Variants in RARB observed in about 807,000 individuals in gnomAD.
RARB encodes retinoic acid receptor beta.
A neutral mutation model predicts 51.9 loss-of-function variants in RARB; 17 were observed. That is an observed-to-expected ratio of 0.33 (90% CI 0.22 to 0.49). The LOEUF (loss-of-function observed/expected upper bound fraction) is 0.49, where lower values mean the gene tolerates loss of function less well. Among genes scored for constraint, RARB ranks in the 20% least tolerant of loss-of-function variants. RARB has a pLI of 0.99. For missense variants in RARB, 369 were observed against 550.8 expected (o/e 0.67, Z 3.30); for synonymous variants, 215 against 195.4 (o/e 1.10, Z -0.84).
At chr3:24,831,775 C>T (rs1304293576) in intron 1 of RARB, among the ~76,000 whole-genome samples, 1 of 151,918 alleles carries the variant, frequency 6.6e-6, no homozygotes, top group African/African-American at 2.4e-5. Context: ...TTTAACTTGG[C>T]TCAGGTAGCT....
At position 25,367,959 on chromosome 3, in the gene RARB, G is replaced by T. The variant is rs73820431; in HGVS notation, c.179-93234G>T. ...CTGTTTCATGCACTGGGGCGGACAG[G>T]CAATTAAGTTTTCGGTGCTCCTCTG... is the stretch of plus-strand genomic sequence containing the variant. On this transcript the variant is annotated intron_variant, in intron 5 of 11. Transcript: ENST00000383772. 5.4e-3 allele frequency among the ~76,000 whole-genome samples: 826 copies of T among 152,226 alleles called. 11 individuals carry two copies. Among genetic ancestry groups the T allele is most frequent in the African/African-American group, 0.019 (778 of 41,528 alleles).
In RARB at chr3:25,161,077, A is replaced by T. The variant is rs184527084; in HGVS notation, c.-279-13042A>T. Among the ~76,000 whole-genome samples, 579 of 152,068 alleles carry T rather than the reference A, an allele frequency of 3.8e-3. 7 individuals are homozygous for T. The highest frequency in any genetic ancestry group is 0.013 in the African/African-American group (558 of 41,474). Reference sequence around the variant, plus strand: ...GCCCAGGCTAGAGTGCAGTGGCCCAATCTCGGCTCACTACAACCTCTGTTT... The same window carrying T: ...GCCCAGGCTAGAGTGCAGTGGCCCATTCTCGGCTCACTACAACCTCTGTTT... On this transcript the variant is annotated intron_variant, in intron 4 of 11. Transcript: ENST00000383772.
intron 5 of RARB, among the ~76,000 whole-genome samples, chr3:25,396,891 A>G (rs1707130531): frequency 6.6e-6 from 1 of 152,130 alleles, no homozygotes; most frequent in South Asian, 2.1e-4. Context: ...GTGCCCCACC[A>G]ACAGCACCCA....
At chr3:25,127,732 C>A (rs1295857080) in intron 3 of RARB, among the ~76,000 whole-genome samples, 1 of 151,938 alleles carries the variant, frequency 6.6e-6, no homozygotes, top group East Asian at 1.9e-4. Flanking sequence ...TCAAAATGTG[C>A]CCCGTGTTTC....
chr3:24,923,020 C>T (rs1454110625), intron 2 of RARB, among the ~76,000 whole-genome samples: 4 of 152,146 alleles, frequency 2.6e-5, no homozygotes, highest in Non-Finnish European at 5.9e-5. Flanking sequence ...TTGTATCCCA[C>T]CAACTTCCAA....
intron 5 of RARB, among the ~76,000 whole-genome samples, chr3:25,358,326 A>C (rs899294311): frequency 6.6e-6 from 1 of 152,126 alleles, no homozygotes; most frequent in Non-Finnish European, 1.5e-5. Context: ...TTGCACATTG[A>C]ATTTGTATCC....
intron 1 of RARB, among the ~76,000 whole-genome samples, chr3:24,830,143 C>A (rs1275435239): frequency 5.9e-5 from 9 of 152,072 alleles, no homozygotes. Flanking sequence ...GACTGTCAGC[C>A]GCGAAGGGGT....
At chr3:24,934,191 G>A (rs907371606) in intron 2 of RARB, among the ~76,000 whole-genome samples, 1 of 152,142 alleles carries the variant, frequency 6.6e-6, no homozygotes, top group East Asian at 1.9e-4. Context: ...AGCCAGAGGA[G>A]GGAACCGGCA....
At chr3:25,353,545 C>T (rs769461390) in intron 5 of RARB, among the ~76,000 whole-genome samples, 4 of 149,910 alleles carry the variant, frequency 2.7e-5, no homozygotes, top group Non-Finnish European at 5.9e-5. Flanking sequence ...TAAAATTAAC[C>T]ATAAGATTGA....
chr3:25,357,211 C>G (rs1705769606), intron 5 of RARB, among the ~76,000 whole-genome samples: 1 of 152,218 alleles, frequency 6.6e-6, no homozygotes, highest in Non-Finnish European at 1.5e-5. Context: ...GCCATTCTAA[C>G]TAGCATGAGA....
chr3:25,153,795 A>G (rs905504478), intron 4 of RARB, among the ~76,000 whole-genome samples: 3 of 152,186 alleles, frequency 2.0e-5, no homozygotes, highest in Non-Finnish European at 4.4e-5. Flanking sequence ...TTGATACTGC[A>G]AGTGAGAACA....
At chr3:25,536,415 A>T (rs192061650) in intron 3 of RARB, among the ~76,000 whole-genome samples, 2 of 152,352 alleles carry the variant, frequency 1.3e-5, no homozygotes, top group Admixed American at 1.3e-4. Context: ...GAAGGCTGAA[A>T]TGGAAGTTAG....
upstream of RARB, among the ~76,000 whole-genome samples, chr3:25,426,226 T>G: frequency 6.6e-6 from 1 of 152,240 alleles, no homozygotes; most frequent in East Asian, 1.9e-4. Flanking sequence ...GCTTAAAATG[T>G]GTGTTTTCTT....
chr3:24,874,600 T>C (rs1023878652), intron 2 of RARB, among the ~76,000 whole-genome samples: 2 of 152,082 alleles, frequency 1.3e-5, no homozygotes, highest in Non-Finnish European at 2.9e-5. Context: ...TCTATTAATA[T>C]AGCTTTATAG....
intron 2 of RARB, among the ~76,000 whole-genome samples, chr3:24,942,536 A>G (rs114420337): frequency 0.02 from 3,099 of 152,284 alleles, 39 homozygotes; most frequent in Non-Finnish European, 0.033. Context: ...TAGAGAATTA[A>G]GAACTTGAGC....
intron 3 of RARB, among the ~76,000 whole-genome samples, chr3:25,086,204 C>T (rs569934441): frequency 5.9e-5 from 9 of 152,270 alleles, no homozygotes; most frequent in African/African-American, 2.2e-4. Flanking sequence ...CTAATTAGCC[C>T]TGAATCATAT....
chr3:24,908,663 G>GT (rs59008287), intron 2 of RARB, among the ~76,000 whole-genome samples: 15,153 of 92,496 alleles, frequency 0.16, 2,576 homozygotes, highest in Non-Finnish European at 0.19. Flanking sequence ...AACCACAACT[G>GT]TTTTTTTTTT....
Position 24,990,166 on chromosome 3 carries a change from TTTC to T in RARB, c.-379-69950_-379-69948del, listed in dbSNP as rs1478462946. On this transcript the variant is annotated intron_variant, in intron 2 of 11. Coordinates refer to the RARB transcript ENST00000383772. The stretch of plus-strand genomic sequence containing the variant: ...ATTTCACTATTGTTTATTTTCTTTT[TTTC>T]TTCTTCTTTTTTTATTATTATTATA... Among the ~76,000 whole-genome samples the T allele has an allele frequency of 4.7e-5, 5 of 106,348 alleles. 1 individual carries two copies. Among genetic ancestry groups the T allele is most frequent in the Non-Finnish European group, 7.6e-5 (4 of 52,914 alleles). 69.8% of individuals were successfully genotyped at this position (106,348 alleles called of 152,430 possible).
At chr3:24,982,548 G>C (rs566063977) in intron 2 of RARB, among the ~76,000 whole-genome samples, 1 of 152,252 alleles carries the variant, frequency 6.6e-6, no homozygotes, top group Non-Finnish European at 1.5e-5. Context: ...GTGGGAAGCT[G>C]GGTCCCTCCA....
Sources: allele counts gnomAD v4.1 joint callset (sites outside exome capture counted in the v4.1 genomes callset), GRCh38; gene constraint gnomAD v4.1.1; transcripts MANE v1.5; gene names NCBI Gene and HGNC (gene_info 2026-07-23, HGNC 2026-07-21).